Variants in SNX29 observed in about 807,000 individuals in gnomAD.
SNX29 encodes the protein sorting nexin 29.
In SNX29, 78 loss-of-function variants were observed where a neutral mutation model predicts 102.1. That is an observed-to-expected ratio of 0.76 (90% CI 0.64 to 0.92). SNX29 has a LOEUF of 0.92. Ranked by LOEUF, SNX29 falls within the 40% of genes least tolerant of loss-of-function variation. The probability of loss-of-function intolerance (pLI) is 0.00; values close to 1 mark genes in which losing one functional copy is unlikely to be tolerated. For synonymous variants in SNX29, 580 were observed against 414.5 expected (o/e 1.40, Z -4.85); for missense variants, 1,280 against 1,061.7 (o/e 1.21, Z -2.86).
At chr16:12,566,557 A>G (rs1477849831) in intron 20 of SNX29, among the ~76,000 whole-genome samples, 3 of 152,206 alleles carry the variant, frequency 2.0e-5, no homozygotes, top group Admixed American at 2.0e-4. Flanking sequence ...TTGTGAGGGC[A>G]TGGCTTTAAA....
intron 16 of SNX29, among the ~76,000 whole-genome samples, chr16:12,392,218 G>A (rs888340919): frequency 2.0e-5 from 3 of 152,100 alleles, no homozygotes; most frequent in Non-Finnish European, 2.9e-5. Context: ...TCATAGCTGC[G>A]CAGCCTGGCT....
At chr16:12,468,364 G>T (rs1168458141) in intron 18 of SNX29, among the ~76,000 whole-genome samples, 1 of 151,698 alleles carries the variant, frequency 6.6e-6, no homozygotes, top group Non-Finnish European at 1.5e-5. Flanking sequence ...TAGTAGAGAC[G>T]GGGTTTCACC....
intron 20 of SNX29, among the ~76,000 whole-genome samples, chr16:12,539,221 A>G (rs1567673908): frequency 6.6e-6 from 1 of 152,194 alleles, no homozygotes; most frequent in South Asian, 2.1e-4. Flanking sequence ...CCGTCAAGAT[A>G]TAGACCAGTT....
chr16:12,413,578 G>T (rs943880233), intron 18 of SNX29, among the ~76,000 whole-genome samples: 7 of 106,418 alleles, frequency 6.6e-5, no homozygotes, highest in African/African-American at 1.9e-4. Context: ...GAAGTGACAG[G>T]GCCCTCGAGA....
chr16:12,557,739 C>G (rs8047936), intron 20 of SNX29: 123,198 of 152,212 alleles, frequency 0.81, 50,621 homozygotes, highest in Middle Eastern at 0.89. Flanking sequence ...GAGTAGTGCA[C>G]TGCATTGTGA....
intron 20 of SNX29, among the ~76,000 whole-genome samples, chr16:12,561,439 C>T (rs565605183): frequency 1.1e-4 from 17 of 152,198 alleles, no homozygotes; most frequent in South Asian, 6.2e-4. Context: ...GGGATCCAGC[C>T]CTCTAAGCTT....
chr16:12,148,398 T>C (rs11866500), intron 13 of SNX29, among the ~76,000 whole-genome samples: 2 of 152,322 alleles, frequency 1.3e-5, no homozygotes, highest in Admixed American at 1.3e-4. Flanking sequence ...AATCCACAGA[T>C]GGTCTCTGCC....
At chr16:12,452,045 T>C (rs1012842257) in intron 18 of SNX29, among the ~76,000 whole-genome samples, 5 of 152,166 alleles carry the variant, frequency 3.3e-5, no homozygotes, top group Non-Finnish European at 7.3e-5. Context: ...TGGACAGTTA[T>C]TGAGCCCCAC....
chr16:12,078,629 TG>T (rs1166160528), intron 10 of SNX29, among the ~76,000 whole-genome samples: 1 of 152,188 alleles, frequency 6.6e-6, no homozygotes, highest in African/African-American at 2.4e-5. Flanking sequence ...GTATTGACTT[TG>T]GGGTTACAAA....
At chr16:12,174,450 G>A (rs1027636698) in intron 13 of SNX29, among the ~76,000 whole-genome samples, 1 of 152,192 alleles carries the variant, frequency 6.6e-6, no homozygotes, top group South Asian at 2.1e-4. Context: ...CCAAAGGAAA[G>A]GGCGAGAGAA....
intron 16 of SNX29, among the ~76,000 whole-genome samples, chr16:12,395,559 C>T (rs1445332805): frequency 6.6e-6 from 1 of 152,220 alleles, no homozygotes; most frequent in East Asian, 1.9e-4. Flanking sequence ...GCCCAGACCA[C>T]AGGCAGAGTG....
At chr16:12,267,900 C>T (rs2078975905) in intron 14 of SNX29, among the ~76,000 whole-genome samples, 2 of 152,220 alleles carry the variant, frequency 1.3e-5, no homozygotes, top group Admixed American at 6.5e-5. Context: ...CAAACCCTTA[C>T]TGTCCCCTCT....
At position 12,129,642 on chromosome 16, in the gene SNX29, C is replaced by T. The variant is rs765464775; in HGVS notation, c.1479C>T (p.Asn493=). The change falls in exon 13 of 21, where the codon AAC becomes AAT. Residue 493 remains asparagine, a synonymous_variant. Transcript: ENST00000566228. ...ELEEENRSLR[N]LLDGEMEHSA... is the part of the protein sequence containing the mutation. ...CCTCTCTTCCCAGATCACTGCGAAA[C>T]CTGCTCGACGGTGAGATGGAGCACT... The T allele has an allele frequency of 1.2e-6, 2 of 1,610,564 alleles. No homozygotes were observed. Among genetic ancestry groups the T allele is most frequent in the Non-Finnish European group, 1.7e-6 (2 of 1,179,160 alleles).
At chr16:12,370,788 A>C (rs560011500) in intron 16 of SNX29, among the ~76,000 whole-genome samples, 1 of 152,238 alleles carries the variant, frequency 6.6e-6, no homozygotes. Context: ...TGTGGGAACC[A>C]GAGCAGTTTG....
intron 16 of SNX29, among the ~76,000 whole-genome samples, chr16:12,357,578 G>T (rs2151315905): frequency 6.6e-6 from 1 of 152,280 alleles, no homozygotes; most frequent in Admixed American, 6.5e-5. Flanking sequence ...CCATCGTTAA[G>T]TGTACAGTTG....
rs2054370190 is a variant in SNX29, at chr16:12,129,691, G to T, written c.1528G>T (p.Asp510Tyr). The stretch of plus-strand genomic sequence containing the variant: ...CTCAGCCGCGCTCCGGCAAGAGGTG[G>T]ACACCTTGAAAAGGAAGGTGGCTGA... ...EHSAALRQEV[D>Y]TLKRKVAEQE... The change falls in exon 13 of 21, where the codon GAC (aspartate) becomes TAC (tyrosine). Residue 510 changes from aspartate (D) to tyrosine (Y), a missense_variant. Transcript: ENST00000566228. 1.9e-6 allele frequency: 3 copies of T among 1,611,248 alleles called. No individual in the cohort carries two copies. Among genetic ancestry groups the T allele is most frequent in the Non-Finnish European group, 2.5e-6 (3 of 1,179,592 alleles).
rs1401242501 is a variant in SNX29 at position 12,078,893 on chromosome 16, A to G, written c.1380A>G (p.Ser460=). 16 of 1,605,184 alleles carry G rather than the reference A, an allele frequency of 1.0e-5. No individual in the cohort carries two copies. The highest frequency in any genetic ancestry group is 1.3e-5 in the African/African-American group (1 of 74,802). Residue 460 remains serine, a synonymous_variant, in exon 11 of 21, where the codon TCA becomes TCG. Transcript: ENST00000566228. The stretch of plus-strand genomic sequence containing the variant: ...TGAGCAGCCTGTTACCTTCTGCCTC[A>G]GTGCCAGAGTCCATGACAATTAGTA... ...SPLSSLLPSA[S]VPESMTISEL...
chr16:12,547,627 C>A (rs894599672), intron 20 of SNX29, among the ~76,000 whole-genome samples: 1 of 152,098 alleles, frequency 6.6e-6, no homozygotes, highest in Non-Finnish European at 1.5e-5. Flanking sequence ...ACTAAGCTGT[C>A]CCATGGGATG....
At chr16:12,304,905 C>T (rs569568963) in intron 15 of SNX29, among the ~76,000 whole-genome samples, 1 of 152,308 alleles carries the variant, frequency 6.6e-6, no homozygotes, top group East Asian at 1.9e-4. Context: ...ATTCACAAAG[C>T]TGCCTTGATC....
Sources: gnomAD v4.1 joint callset for allele counts (sites outside exome capture counted in the v4.1 genomes callset) on GRCh38, gnomAD v4.1.1 for gene constraint, MANE v1.5 for transcripts, NCBI Gene and HGNC (gene_info 2026-07-23, HGNC 2026-07-21) for gene names.